The following SPATA21 variants were observed in gnomAD, a reference collection of about 807,000 sequenced individuals.
SPATA21 encodes the protein spermatogenesis-associated protein 21.
In SPATA21, 47 loss-of-function variants were observed where a neutral mutation model predicts 54.8. The observed-to-expected ratio is 0.86, with a 90% CI of 0.68 to 1.09. SPATA21 has a LOEUF of 1.09. SPATA21 is among the 50% of genes least tolerant of loss of function. The pLI, the probability that SPATA21 is intolerant of heterozygous loss-of-function variation, is 0.00. For missense variants in SPATA21, 599 were observed against 596.4 expected, an observed-to-expected ratio of 1.00 and a Z score of -0.05; for synonymous variants, 245 against 235.3, an observed-to-expected ratio of 1.04 and a Z score of -0.38.
chr1:16,418,809 T>C (rs12118090), intron 5 of SPATA21, among the ~76,000 whole-genome samples: 44,774 of 152,098 alleles, frequency 0.29, 6,929 homozygotes, highest in Non-Finnish European at 0.34. Flanking sequence ...CCCAAAGTGC[T>C]TGGATTACAG....
chr1:16,405,531 T>C (rs4338348), intron 7 of SPATA21, among the ~76,000 whole-genome samples: 141,310 of 147,584 alleles, frequency 0.96, 67,940 homozygotes, highest in East Asian at 1. Context: ...CATGGTGGTG[T>C]GCACCTGTAG....
chr1:16,425,567 C>G (rs768703816), intron 3 of SPATA21: 1 of 1,549,694 alleles, frequency 6.5e-7, no homozygotes, highest in Non-Finnish European at 8.7e-7. Flanking sequence ...TCCCCGGTTC[C>G]GTTGCCTCCC....
At chr1:16,420,054 G>A (rs374743838) in intron 5 of SPATA21, among the ~76,000 whole-genome samples, 1 of 152,082 alleles carries the variant, frequency 6.6e-6, no homozygotes, top group Non-Finnish European at 1.5e-5. Flanking sequence ...GTGGAGCCCC[G>A]AGGGTGGAGA....
intron 3 of SPATA21, chr1:16,422,236 C>G: frequency 1.4e-6 from 2 of 1,396,226 alleles, no homozygotes; most frequent in Non-Finnish European, 1.9e-6. Context: ...GCTCCATCCT[C>G]GTTCCCAGGT....
downstream of SPATA21, chr1:16,396,013 A>C (rs2085306058): frequency 1.3e-5 from 2 of 152,664 alleles, no homozygotes; most frequent in South Asian, 4.1e-4. Flanking sequence ...TCCCCTTCCC[A>C]TACCCCTCAG....
intron 5 of SPATA21, among the ~76,000 whole-genome samples, chr1:16,413,267 G>C (rs1480277007): frequency 1.3e-5 from 2 of 152,162 alleles, no homozygotes; most frequent in South Asian, 2.1e-4. Context: ...AAGCAGAATT[G>C]CTTTGTCTTT....
intron 3 of SPATA21, among the ~76,000 whole-genome samples, chr1:16,426,579 A>ATATATATATATATATT (rs1401259793): frequency 6.0e-4 from 64 of 107,142 alleles, no homozygotes; most frequent in African/African-American, 2.0e-3. Context: ...ATATATATAT[A>ATATATATATATATATT]TTTTTTTTTT....
At chr1:16,424,906 G>A (rs1161004684) in intron 3 of SPATA21, 1 of 283,522 alleles carries the variant, frequency 3.5e-6, no homozygotes, top group Non-Finnish European at 6.9e-6. Context: ...CTGGAAACAA[G>A]ACTTATTTTT....
Position 16,421,807 on chromosome 1 carries a change from C to T in SPATA21, c.95+104G>A. 6.4e-7 allele frequency: 1 copy of T among 1,553,916 alleles called. No homozygotes were observed. The highest frequency in any genetic ancestry group is 1.1e-5 in the South Asian group (1 of 88,054). On this transcript the variant is annotated intron_variant, in intron 4 of 12. Transcript: ENST00000335496. This position sits in a 1 kb window ranked among gnomAD's most constrained non-coding sequence, Gnocchi z 5.2. Reference sequence around the variant, plus strand: ...AGCGGAGCATGACTTGCCCAAGGTCCTCTACCAGGTCAGGAGCAGTCTGGA... The same window carrying T: ...AGCGGAGCATGACTTGCCCAAGGTCTTCTACCAGGTCAGGAGCAGTCTGGA...
At chr1:16,436,671 C>A (rs1230683011) in intron 1 of SPATA21, among the ~76,000 whole-genome samples, 1 of 151,778 alleles carries the variant, frequency 6.6e-6, no homozygotes, top group African/African-American at 2.4e-5. Context: ...GAGGCTGAGG[C>A]AGGAGAATCG....
At chr1:16,436,503 C>T (rs972074796) in intron 1 of SPATA21, among the ~76,000 whole-genome samples, 7 of 151,606 alleles carry the variant, frequency 4.6e-5, no homozygotes, top group East Asian at 1.9e-4. Flanking sequence ...AGGTGGCTCA[C>T]GCCTGTAATC....
chr1:16,400,905 T>C lies in SPATA21; in HGVS notation c.1002-13A>G. On this transcript the variant is annotated splice_polypyrimidine_tract_variant and intron_variant, in intron 10 of 12. Coordinates refer to ENST00000335496, the MANE Select transcript of SPATA21 (RefSeq NM_198546.1). ...TTTCTGGTAGTAGCTGGGGAGGCAG[T>C]GCCCACCCATCTCAGCCTGGCTGTG... The C allele has an allele frequency of 6.2e-7, 1 of 1,609,916 alleles. No individual in the cohort carries two copies.
In SPATA21 at chr1:16,409,555, C is replaced by G. The variant is rs1373616139; in HGVS notation, c.587+46G>C. 1 of 1,571,174 alleles carries G rather than the reference C, an allele frequency of 6.4e-7. No individual in the cohort carries two copies. The highest frequency in any genetic ancestry group is 1.3e-5 in the African/African-American group (1 of 74,246). ...CCTGCATCCGGGACAAGGCTCTGAT[C>G]TTGGGGCCTTTCAGGAGCGGGCGGG... On this transcript the variant is annotated intron_variant, in intron 6 of 12. Coordinates refer to ENST00000335496, the MANE Select transcript of SPATA21 (RefSeq NM_198546.1). This position sits in a 1 kb window ranked among gnomAD's most constrained non-coding sequence, Gnocchi z 4.1.
chr1:16,417,813 G>A (rs573058633), intron 5 of SPATA21, among the ~76,000 whole-genome samples: 5 of 152,098 alleles, frequency 3.3e-5, no homozygotes, highest in South Asian at 2.1e-4. Context: ...CAGGTGATCC[G>A]CCCACCTCAG....
chr1:16,427,954 C>T (rs1447372004), intron 3 of SPATA21: 3 of 1,550,246 alleles, frequency 1.9e-6, no homozygotes, highest in Non-Finnish European at 2.6e-6. Context: ...CTTCTCTGGC[C>T]CTCGTGAAGC....
chr1:16,425,651 A>G, intron 3 of SPATA21: 1 of 1,550,366 alleles, frequency 6.5e-7, no homozygotes, highest in Non-Finnish European at 8.7e-7. Context: ...CCAGGAAGGC[A>G]GCAACCCCAG....
intron 3 of SPATA21, chr1:16,427,950 T>C: frequency 6.5e-7 from 1 of 1,550,324 alleles, no homozygotes; most frequent in Non-Finnish European, 8.7e-7. Flanking sequence ...GCCCCTTCTC[T>C]GGCCCTCGTG....
chr1:16,422,628 C>A (rs1244640721), intron 3 of SPATA21, among the ~76,000 whole-genome samples: 1 of 151,858 alleles, frequency 6.6e-6, no homozygotes, highest in Non-Finnish European at 1.5e-5. Flanking sequence ...GCTTCAGCCT[C>A]CCAAGTAGCT....
intron 1 of SPATA21, among the ~76,000 whole-genome samples, chr1:16,433,963 C>T (rs1024832073): frequency 6.6e-6 from 1 of 152,070 alleles, no homozygotes; most frequent in African/African-American, 2.4e-5. Flanking sequence ...ATATTTTTAT[C>T]ACCCCAAAAA....
Sources: allele counts gnomAD v4.1 joint callset (sites outside exome capture counted in the v4.1 genomes callset), GRCh38; gene constraint gnomAD v4.1.1; non-coding constraint Gnocchi (gnomAD v3.1); transcripts MANE v1.5; gene names NCBI Gene and HGNC (gene_info 2026-07-23, HGNC 2026-07-21).